Variants in REPS2 observed in about 807,000 individuals in gnomAD.
REPS2 encodes the protein RALBP1 associated Eps domain containing 2, also known as ralBP1-associated Eps domain-containing protein 2.
In REPS2, 23 loss-of-function variants were observed where a neutral mutation model predicts 53.6. That is an observed-to-expected ratio of 0.43 (90% CI 0.31 to 0.61). REPS2 has a LOEUF of 0.61. REPS2 is among the 20% of genes least tolerant of loss of function. REPS2 has a pLI of 0.11. For synonymous variants in REPS2, 238 were observed against 218.6 expected (o/e 1.09, Z -0.78); for missense variants, 446 against 534.9 (o/e 0.83, Z 1.64).
chrX:17,048,381 G>A (rs897588418), intron 6 of REPS2, among the ~76,000 whole-genome samples: 10 of 112,317 alleles, frequency 8.9e-5, no homozygotes, highest in South Asian at 3.7e-4. Flanking sequence ...AAAATAAGCA[G>A]AAACCCATAT....
intron 5 of REPS2, among the ~76,000 whole-genome samples, chrX:17,035,251 G>A (rs1442082335): frequency 9.1e-6 from 1 of 109,374 alleles, no homozygotes; most frequent in East Asian, 2.9e-4. Context: ...GGCTGATATT[G>A]CACCGAGAGA....
rs1003166646 is a variant in REPS2 at position 16,965,982 on chromosome X, C to T, written c.273+18848C>T. Among the ~76,000 whole-genome samples, 10 of 112,509 alleles carry T rather than the reference C, an allele frequency of 8.9e-5. No individual in the cohort carries two copies. The East Asian group carries it at 1.4e-3, about 16-fold the overall frequency. On this transcript the variant is annotated intron_variant, in intron 1 of 17. Transcript: ENST00000357277. The stretch of plus-strand genomic sequence containing the variant: ...AAAACCAGTCAGGCGTGGCGGCGCG[C>T]GCCTGCAATTGCAGGCACTCGGCAA...
At position 17,027,793 on chromosome X, in the gene REPS2, G is replaced by A. The variant is rs1602723291; in HGVS notation, c.674-1733G>A. ...GTATTGCATGTTTGGGGTTTCATTT[G>A]GGAAGAAAGAGAGTTGAGTAATAGC... On this transcript the variant is annotated intron_variant, in intron 4 of 17. Transcript: ENST00000357277. 3.7e-5 allele frequency among the ~76,000 whole-genome samples: 4 copies of A among 107,418 alleles called. No homozygotes were observed. In the East Asian group the frequency reaches 8.7e-4, roughly 23 times the overall value. 93.3% of individuals were successfully genotyped at this position (107,418 alleles called of 115,157 possible).
chrX:17,122,064 T>C (rs1279249399), intron 14 of REPS2, among the ~76,000 whole-genome samples: 1 of 111,371 alleles, frequency 9.0e-6, no homozygotes, highest in South Asian at 3.7e-4. Context: ...ACACTTTTTA[T>C]TGAAGTATAA....
intron 1 of REPS2, among the ~76,000 whole-genome samples, chrX:16,974,661 C>G (rs184799328): frequency 4.5e-5 from 5 of 110,041 alleles, no homozygotes; most frequent in Non-Finnish European, 5.7e-5. Context: ...AAAAAAGGAA[C>G]GTACCAAATT....
chrX:17,135,272 T>C lies in REPS2; in HGVS notation c.1674T>C (p.Tyr558=), dbSNP rs779490876. 19 of 1,208,118 alleles carry C rather than the reference T, an allele frequency of 1.6e-5. No individual in the cohort carries two copies. In the East Asian group the frequency reaches 5.3e-4, roughly 34 times the overall value. Residue 558 remains tyrosine (Y), a synonymous_variant, in exon 16 of 18, where the codon TAT becomes TAC. Transcript: ENST00000357277. ...TTTTAAATCCACAGGATGTACTGTA[T>C]TCTCAGCCACCATCAAAGCCCATTC... is the stretch of plus-strand genomic sequence containing the variant. ...ESSPAKKDVL[Y]SQPPSKPIRR...
At chrX:17,137,446 C>A (rs1377415677) in intron 16 of REPS2, 2 of 111,342 alleles carry the variant, frequency 1.8e-5, no homozygotes, top group African/African-American at 6.5e-5. Flanking sequence ...TGTATTCACA[C>A]CCTTTGCCCA....
intron 9 of REPS2, among the ~76,000 whole-genome samples, chrX:17,066,810 T>C (rs1377765325): frequency 9.0e-6 from 1 of 111,582 alleles, no homozygotes; most frequent in South Asian, 3.7e-4. Flanking sequence ...GAGGTGGAGG[T>C]TGCAGTGAGC....
chrX:17,085,460 A>C (rs1219144041), intron 13 of REPS2, among the ~76,000 whole-genome samples: 1 of 111,860 alleles, frequency 8.9e-6, no homozygotes, highest in Admixed American at 9.5e-5. Context: ...TTTGTATATC[A>C]GTTTGGTTAG....
intron 5 of REPS2, among the ~76,000 whole-genome samples, chrX:17,035,064 T>A (rs1394773933): frequency 9.1e-6 from 1 of 110,219 alleles, no homozygotes. Flanking sequence ...ACTCCTTGGG[T>A]CCTCTTGGAA....
At chrX:17,006,197 A>T in intron 1 of REPS2, 24 bp from the exon 2 acceptor site, 1 of 1,205,006 alleles carries the variant, frequency 8.3e-7, no homozygotes. Flanking sequence ...GGTGTTCAGC[A>T]TTGTTTTTCT....
At chrX:16,950,211 G>A (rs1184487205) in intron 1 of REPS2, among the ~76,000 whole-genome samples, 1 of 111,282 alleles carries the variant, frequency 9.0e-6, no homozygotes, top group Non-Finnish European at 1.9e-5. Context: ...TTATGGTTTG[G>A]TGGCTCATTT....
intron 14 of REPS2, 125 bp from the exon 15 acceptor site, chrX:17,133,699 A>G: frequency 1.7e-6 from 1 of 581,471 alleles, no homozygotes; most frequent in Non-Finnish European, 3.0e-6. Context: ...AGACTTAAGC[A>G]TTCTTGGCTG....
chrX:16,987,010 A>G (rs1602599078), intron 1 of REPS2, among the ~76,000 whole-genome samples: 1 of 108,944 alleles, frequency 9.2e-6, no homozygotes, highest in East Asian at 2.9e-4. Flanking sequence ...CCTGGGTCCA[A>G]ATGATACTCC....
At chrX:17,126,764 A>G (rs1212979210) in intron 14 of REPS2, among the ~76,000 whole-genome samples, 1 of 111,681 alleles carries the variant, frequency 9.0e-6, no homozygotes, top group Admixed American at 9.5e-5. Context: ...GTGCCCATTC[A>G]TCGTATTGTC....
the REPS2 span, among the ~76,000 whole-genome samples, chrX:17,174,512 T>A: frequency 8.9e-6 from 1 of 111,928 alleles, no homozygotes; most frequent in African/African-American, 3.2e-5. Context: ...GACCCACTGC[T>A]AGAGCCACCC....
chrX:16,993,205 G>A (rs951419705), intron 1 of REPS2, among the ~76,000 whole-genome samples: 2 of 112,148 alleles, frequency 1.8e-5, no homozygotes, highest in Admixed American at 9.5e-5. Context: ...AGTGGTGAGA[G>A]TACAGATTCT....
intron 2 of REPS2, among the ~76,000 whole-genome samples, chrX:17,011,724 C>T (rs747719815): frequency 9.1e-6 from 1 of 110,361 alleles, no homozygotes; most frequent in South Asian, 3.8e-4. Context: ...GGGACCAGCC[C>T]GGCAAATGTG....
intron 8 of REPS2, among the ~76,000 whole-genome samples, chrX:17,061,047 AGT>A (rs2062151614): frequency 9.0e-6 from 1 of 111,154 alleles, no homozygotes; most frequent in Admixed American, 9.6e-5. Flanking sequence ...AGTTTTGGAA[AGT>A]GTTAGCTTTC....
Sources: allele counts gnomAD v4.1 joint callset (sites outside exome capture counted in the v4.1 genomes callset), GRCh38; gene constraint gnomAD v4.1.1; transcripts MANE v1.5; gene names NCBI Gene and HGNC (gene_info 2026-07-23, HGNC 2026-07-21).